DDHD1: variants seen among roughly 807,000 people sequenced by gnomAD.
DDHD1 encodes DDHD domain containing 1.
In DDHD1, 49 loss-of-function variants were observed where a neutral mutation model predicts 96.4. The observed-to-expected ratio is 0.51, with a 90% CI of 0.40 to 0.64. The LOEUF is 0.64. Among genes scored for constraint, DDHD1 ranks in the 30% least tolerant of loss-of-function variants. The pLI is 0.00. For missense variants in DDHD1, 1,106 were observed against 1,161.2 expected (o/e 0.95, Z 0.69); for synonymous variants, 442 against 446.5 (o/e 0.99, Z 0.13).
At chr14:53,061,697 G>A (rs1176259505) in intron 7 of DDHD1, among the ~76,000 whole-genome samples, 1 of 151,850 alleles carries the variant, frequency 6.6e-6, no homozygotes, top group Admixed American at 6.6e-5. Flanking sequence ...CTTACATTTA[G>A]TAAACTATGG....
intron 1 of DDHD1, among the ~76,000 whole-genome samples, chr14:53,106,146 ATTC>A (rs746772427): frequency 2.6e-5 from 4 of 152,106 alleles, no homozygotes; most frequent in African/African-American, 4.8e-5. Flanking sequence ...TTTTAGTTTT[ATTC>A]TTTTTACTTT....
chr14:53,121,904 G>A (rs373018106), intron 1 of DDHD1, among the ~76,000 whole-genome samples: 3 of 134,358 alleles, frequency 2.2e-5, no homozygotes, highest in Admixed American at 8.2e-5. Context: ...CACGTTCTGC[G>A]CATGTATCCC....
chr14:53,068,490 A>G (rs1481469759), intron 6 of DDHD1, among the ~76,000 whole-genome samples: 1 of 151,956 alleles, frequency 6.6e-6, no homozygotes, highest in Non-Finnish European at 1.5e-5. Flanking sequence ...GGCTTAAGTG[A>G]TCCTCCTACC....
intron 4 of DDHD1, among the ~76,000 whole-genome samples, chr14:53,075,785 C>A (rs1884906630): frequency 6.6e-6 from 1 of 152,156 alleles, no homozygotes; most frequent in Admixed American, 6.5e-5. Flanking sequence ...TGCTCACTGA[C>A]CATCCCAAAT....
intron 1 of DDHD1, among the ~76,000 whole-genome samples, chr14:53,140,629 A>G (rs754577925): frequency 4.6e-5 from 7 of 152,242 alleles, no homozygotes; most frequent in Non-Finnish European, 5.9e-5. Context: ...GAAGAGAATC[A>G]TTAAACAAAA....
intron 2 of DDHD1, chr14:53,093,780 G>T (rs1048293872): frequency 7.8e-6 from 2 of 255,260 alleles, no homozygotes; most frequent in Non-Finnish European, 1.5e-5. Context: ...TCTTCACTGG[G>T]TCTAAGGCAT....
chr14:53,121,720 A>C (rs1889004890), intron 1 of DDHD1, among the ~76,000 whole-genome samples: 1 of 152,166 alleles, frequency 6.6e-6, no homozygotes, highest in Non-Finnish European at 1.5e-5. Flanking sequence ...GTGGGAGCTG[A>C]ACAATGAGAA....
At position 53,045,551 on chromosome 14, in the gene DDHD1, TA is replaced by T. The variant is rs1881950651; in HGVS notation, c.*1216del. The T allele has an allele frequency of 6.6e-6, 1 of 152,222 alleles. No individual in the cohort carries two copies. The highest frequency in any genetic ancestry group is 2.4e-5 in the African/African-American group (1 of 41,458). The allele number at this position is 152,222 out of a possible 1,614,324, so 9.4% of individuals were successfully genotyped here. A position where few individuals can be genotyped will look rare whatever the true frequency, so the allele number is the denominator to read the frequency against. Reference sequence around the variant, plus strand: ...ATCCAAGCTTTTCTGATTTCTGATGTAATCTAATTCATGGCACTTTAAATGT... The same window carrying T: ...ATCCAAGCTTTTCTGATTTCTGATGTATCTAATTCATGGCACTTTAAATGT... On this transcript the variant is annotated 3_prime_UTR_variant, in exon 13 of 13. Coordinates refer to ENST00000673822, the MANE Select transcript of DDHD1 (RefSeq NM_001160148.2).
chr14:53,143,001 T>C (rs1013724756), intron 1 of DDHD1, among the ~76,000 whole-genome samples: 5 of 152,250 alleles, frequency 3.3e-5, no homozygotes, highest in African/African-American at 9.6e-5. Flanking sequence ...GAAACAATCA[T>C]AGCTAACAGT....
At chr14:53,118,021 G>A (rs994073176) in intron 1 of DDHD1, among the ~76,000 whole-genome samples, 1 of 152,110 alleles carries the variant, frequency 6.6e-6, no homozygotes, top group East Asian at 1.9e-4. Context: ...AGGCAAACAG[G>A]GTCTGGAGTG....
At chr14:53,084,158 C>T (rs1347815176) in intron 4 of DDHD1, among the ~76,000 whole-genome samples, 1 of 152,128 alleles carries the variant, frequency 6.6e-6, no homozygotes, top group Non-Finnish European at 1.5e-5. Context: ...GAAAAAAGGA[C>T]TTATTCTTCT....
chr14:53,059,475 G>A (rs1883350788), intron 8 of DDHD1, among the ~76,000 whole-genome samples: 1 of 151,536 alleles, frequency 6.6e-6, no homozygotes, highest in South Asian at 2.1e-4. Context: ...TCGATCTCCT[G>A]ACCTCGTGAT....
At chr14:53,143,496 A>T (rs1427526363) in intron 1 of DDHD1, among the ~76,000 whole-genome samples, 1 of 152,198 alleles carries the variant, frequency 6.6e-6, no homozygotes, top group Non-Finnish European at 1.5e-5. Context: ...AGACAGGGTC[A>T]TTTATAATCT....
At chr14:53,076,122 T>C (rs1370563682) in intron 4 of DDHD1, among the ~76,000 whole-genome samples, 7 of 152,138 alleles carry the variant, frequency 4.6e-5, no homozygotes, top group Non-Finnish European at 1.0e-4. Flanking sequence ...AAGAAACAAA[T>C]TTTATAATGC....
chr14:53,063,085 T>C lies in DDHD1; in HGVS notation c.1624A>G (p.Ile542Val). The stretch of plus-strand genomic sequence containing the variant: ...CAGCCAGTCATTATGTCATAAGTAA[T>C]TACACATCCCAAGGAATGTGATACT... ...SIVSHSLGCVITYDIMTGWNP... is the reference protein window; with the variant it reads ...SIVSHSLGCVVTYDIMTGWNP... The change falls in exon 7 of 13, where the codon ATT becomes GTT. Residue 542 changes from isoleucine to valine, a missense_variant. Physicochemically the swap from Ile to Val is conservative, Grantham distance 29. Transcript: ENST00000673822. The C allele has an allele frequency of 6.2e-7, 1 of 1,614,108 alleles. No homozygotes were observed. Among genetic ancestry groups the C allele is most frequent in the Non-Finnish European group, 8.5e-7 (1 of 1,179,998 alleles).
chr14:53,043,599 T>C lies in DDHD1; in HGVS notation c.*3169A>G, dbSNP rs1226450689. On this transcript the variant is annotated 3_prime_UTR_variant, in exon 13 of 13. Transcript: ENST00000673822. ...TCTGCCAACACACCCAGCTAATCTT[T>C]GCATTTTTTGTAGAGTCTGGGTTTC... is the stretch of plus-strand genomic sequence containing the variant. The C allele has an allele frequency of 3.3e-5, 5 of 152,180 alleles. No individual in the cohort carries two copies. Among genetic ancestry groups the C allele is most frequent in the Admixed American group, 6.5e-5 (1 of 15,278 alleles). The allele number at this position is 152,180 out of a possible 1,614,324, so 9.4% of individuals were successfully genotyped here. A position where few individuals can be genotyped will look rare whatever the true frequency, so the allele number is the denominator to read the frequency against.
At chr14:53,105,093 T>C (rs1268564455) in intron 1 of DDHD1, among the ~76,000 whole-genome samples, 3 of 151,942 alleles carry the variant, frequency 2.0e-5, no homozygotes, top group Non-Finnish European at 2.9e-5. Context: ...GATACAAATA[T>C]AAAAATCAAA....
At chr14:53,094,724 G>C (rs1364922735) in intron 2 of DDHD1, among the ~76,000 whole-genome samples, 1 of 151,690 alleles carries the variant, frequency 6.6e-6, no homozygotes, top group East Asian at 1.9e-4. Context: ...TGTGCCTGTG[G>C]TTCCAGCTAC....
intron 1 of DDHD1, among the ~76,000 whole-genome samples, chr14:53,140,893 T>C (rs1210657663): frequency 6.6e-6 from 1 of 152,144 alleles, no homozygotes; most frequent in Non-Finnish European, 1.5e-5. Context: ...TTGCAAATAC[T>C]AATCAAAAGG....
Sources: allele counts gnomAD v4.1 joint callset (sites outside exome capture counted in the v4.1 genomes callset), GRCh38; gene constraint gnomAD v4.1.1; transcripts MANE v1.5; gene names NCBI Gene and HGNC (gene_info 2026-07-23, HGNC 2026-07-21).